CSMD1: variants seen among roughly 807,000 people sequenced by gnomAD.
CSMD1 encodes the protein CUB and Sushi multiple domains 1, also known as CUB and sushi domain-containing protein 1.
CSMD1 carries 213 observed loss-of-function variants against 417.5 expected under a neutral mutation model. That is an observed-to-expected ratio of 0.51 (90% CI 0.46 to 0.57). CSMD1 has a LOEUF of 0.57. CSMD1 is among the 20% of genes least tolerant of loss of function. CSMD1 has a pLI of 0.00. For synonymous variants in CSMD1, 2,862 were observed against 1,736.8 expected (o/e 1.65, Z -16.11); for missense variants, 6,923 against 4,529.7 (o/e 1.53, Z -15.17).
At chr8:3,251,966 T>A (rs1029214209) in intron 26 of CSMD1, among the ~76,000 whole-genome samples, 5 of 152,244 alleles carry the variant, frequency 3.3e-5, no homozygotes, top group Non-Finnish European at 7.3e-5. Flanking sequence ...TATTTTGGGC[T>A]GAGACAATGC....
Position 4,234,196 on chromosome 8 carries a change from G to C in CSMD1, c.415+185757C>G, listed in dbSNP as rs116454052. 7.8e-3 allele frequency among the ~76,000 whole-genome samples: 1,183 copies of C among 152,272 alleles called. 11 individuals are homozygous for C. The highest frequency in any genetic ancestry group is 0.026 in the African/African-American group (1,087 of 41,552). ...TTAACTCTTGACTTAGACCAAGAAA[G>C]ATGAACAGAAAAGACATCTGTAAGC... is the stretch of plus-strand genomic sequence containing the variant. On this transcript the variant is annotated intron_variant, in intron 3 of 69. Transcript: ENST00000635120.
rs117792080 is a variant in CSMD1 at position 4,515,141 on chromosome 8, T to C, written c.303-95076A>G. Among the ~76,000 whole-genome samples the C allele has an allele frequency of 9.5e-3, 1,442 of 152,312 alleles. 14 individuals carry two copies. Among genetic ancestry groups the C allele is most frequent in the Middle Eastern group, 0.048 (14 of 294 alleles). On this transcript the variant is annotated intron_variant, in intron 2 of 69. Transcript: ENST00000635120. ...GAAAGGAATTTACTGGTCGGTGTGGTGTGGCTGTTATTATGTCTGAGTTTA... is the reference window on the plus strand; with the variant it reads ...GAAAGGAATTTACTGGTCGGTGTGGCGTGGCTGTTATTATGTCTGAGTTTA...
chr8:4,167,289 G>C (rs776637043), intron 3 of CSMD1, among the ~76,000 whole-genome samples: 1 of 152,136 alleles, frequency 6.6e-6, no homozygotes, highest in Non-Finnish European at 1.5e-5. Flanking sequence ...GAAAATTCGT[G>C]TCTATAACAG....
At chr8:3,599,583 T>C (rs985350599) in intron 8 of CSMD1, among the ~76,000 whole-genome samples, 4 of 152,188 alleles carry the variant, frequency 2.6e-5, no homozygotes, top group Admixed American at 6.5e-5. Flanking sequence ...GCATTATTAA[T>C]CACAATACAG....
At chr8:3,513,746 G>A (rs1345189793) in intron 10 of CSMD1, among the ~76,000 whole-genome samples, 4 of 152,160 alleles carry the variant, frequency 2.6e-5, no homozygotes, top group African/African-American at 9.7e-5. Context: ...TACCATAATA[G>A]GTCAGCTGCA....
chr8:4,680,975 T>TGTGTGTGAGAGA (rs767579851), intron 1 of CSMD1, among the ~76,000 whole-genome samples: 3 of 136,776 alleles, frequency 2.2e-5, no homozygotes, highest in African/African-American at 8.3e-5. Flanking sequence ...TGTGTGTGTG[T>TGTGTGTGAGAGA]GAGAGAGAGA....
At chr8:4,964,090 AT>A (rs369147097) in intron 1 of CSMD1, among the ~76,000 whole-genome samples, 3,377 of 151,900 alleles carry the variant, frequency 0.022, 115 homozygotes, top group African/African-American at 0.075. Flanking sequence ...GGTTTATTTT[AT>A]TTTTTTTACT....
chr8:4,257,349 T>C (rs182518996), intron 3 of CSMD1, among the ~76,000 whole-genome samples: 1 of 152,194 alleles, frequency 6.6e-6, no homozygotes, highest in East Asian at 1.9e-4. Flanking sequence ...ATTCAAGGGT[T>C]GAATAATTTT....
intron 3 of CSMD1, among the ~76,000 whole-genome samples, chr8:4,402,808 TTTTTTTTTTTTTC>T: frequency 8.9e-5 from 6 of 67,060 alleles, no homozygotes; most frequent in East Asian, 8.0e-4. Context: ...TTCTTTTTTT[TTTTTTTTTTTTTC>T]TTTTTTTTTT....
At chr8:3,266,554 C>T (rs998617874) in intron 26 of CSMD1, among the ~76,000 whole-genome samples, 23 of 132,512 alleles carry the variant, frequency 1.7e-4, no homozygotes, top group African/African-American at 5.4e-4. Context: ...TGCAGTGAGC[C>T]GAGATCATGC....
intron 6 of CSMD1, among the ~76,000 whole-genome samples, chr8:3,722,442 A>G (rs1267523707): frequency 1.3e-5 from 2 of 152,208 alleles, no homozygotes; most frequent in East Asian, 3.8e-4. Context: ...TTAAATAAAT[A>G]TTAAAAAGTG....
At chr8:4,907,010 T>A (rs1805326529) in intron 1 of CSMD1, among the ~76,000 whole-genome samples, 1 of 152,234 alleles carries the variant, frequency 6.6e-6, no homozygotes, top group Non-Finnish European at 1.5e-5. Flanking sequence ...AATTCATCTA[T>A]ATGTCTTAAA....
At chr8:3,715,635 C>T (rs568016577) in intron 6 of CSMD1, among the ~76,000 whole-genome samples, 4 of 152,138 alleles carry the variant, frequency 2.6e-5, no homozygotes, top group African/African-American at 4.8e-5. Flanking sequence ...CTCCACCTCC[C>T]GGGTTCAAGT....
At chr8:4,361,125 G>A (rs1411001531) in intron 3 of CSMD1, among the ~76,000 whole-genome samples, 1 of 152,160 alleles carries the variant, frequency 6.6e-6, no homozygotes, top group South Asian at 2.1e-4. Context: ...AATAGTCACT[G>A]AATCTCTGAG....
At chr8:3,458,382 A>G (rs1425087704) in intron 12 of CSMD1, among the ~76,000 whole-genome samples, 1 of 152,328 alleles carries the variant, frequency 6.6e-6, no homozygotes, top group East Asian at 1.9e-4. Flanking sequence ...CATGCAATAT[A>G]ACTCAGAAAA....
chr8:4,417,801 C>T (rs892764516), intron 3 of CSMD1, among the ~76,000 whole-genome samples: 3 of 151,938 alleles, frequency 2.0e-5, no homozygotes, highest in African/African-American at 7.2e-5. Context: ...CATATATATA[C>T]ATGTACAAAT....
At chr8:3,116,683 G>C (rs185431965) in intron 42 of CSMD1, among the ~76,000 whole-genome samples, 135 of 152,300 alleles carry the variant, frequency 8.9e-4, no homozygotes, top group African/African-American at 3.1e-3. Context: ...TTCGAAGCCA[G>C]AGCAGTTATT....
At chr8:3,959,788 C>T (rs933506004) in intron 5 of CSMD1, among the ~76,000 whole-genome samples, 12 of 152,068 alleles carry the variant, frequency 7.9e-5, no homozygotes, top group African/African-American at 2.9e-4. Flanking sequence ...GGAATAGCTG[C>T]AGGTACTCTG....
intron 2 of CSMD1, among the ~76,000 whole-genome samples, chr8:4,469,459 T>A (rs1393738023): frequency 6.6e-6 from 1 of 152,220 alleles, no homozygotes; most frequent in Non-Finnish European, 1.5e-5. Flanking sequence ...ATTGGCTACA[T>A]TTAGAGAACC....
Sources: gnomAD v4.1 joint callset for allele counts (sites outside exome capture counted in the v4.1 genomes callset) on GRCh38, gnomAD v4.1.1 for gene constraint, MANE v1.5 for transcripts, NCBI Gene and HGNC (gene_info 2026-07-23, HGNC 2026-07-21) for gene names.